The following LPP variants were observed in gnomAD, a reference collection of about 807,000 sequenced individuals.
LPP encodes LIM domain containing preferred translocation partner in lipoma.
In LPP, 38 loss-of-function variants were observed where a neutral mutation model predicts 60.4. That is an observed-to-expected ratio of 0.63 (90% CI 0.49 to 0.83). LPP has a LOEUF of 0.83. Ranked by LOEUF, LPP falls within the 40% of genes least tolerant of loss-of-function variation. The pLI is 0.00. For synonymous variants in LPP, 328 were observed against 290.8 expected (o/e 1.13, Z -1.30); for missense variants, 902 against 783.6 (o/e 1.15, Z -1.80).
intron 1 of LPP, among the ~76,000 whole-genome samples, chr3:188,169,760 A>G (rs999454096): frequency 6.6e-6 from 1 of 152,170 alleles, no homozygotes; most frequent in Non-Finnish European, 1.5e-5. Flanking sequence ...CTTTGGGGAA[A>G]GCTGCTGTGG....
intron 4 of LPP, among the ~76,000 whole-genome samples, chr3:188,467,749 G>A (rs1488945977): frequency 1.3e-5 from 2 of 152,228 alleles, no homozygotes; most frequent in African/African-American, 4.8e-5. Context: ...GATGGAGGAA[G>A]GGGCCACAAG....
intron 2 of LPP, among the ~76,000 whole-genome samples, chr3:188,333,042 T>C (rs554986888): frequency 6.6e-6 from 1 of 152,304 alleles, no homozygotes; most frequent in Non-Finnish European, 1.5e-5. Context: ...GCGTCATTAT[T>C]ACATTAATTT....
chr3:188,654,112 A>T (rs1201056155), intron 7 of LPP, among the ~76,000 whole-genome samples: 1 of 152,256 alleles, frequency 6.6e-6, no homozygotes, highest in African/African-American at 2.4e-5. Flanking sequence ...CCTCATCATT[A>T]TGTGGAGCTA....
At chr3:188,538,844 G>A (rs1312032443) in intron 6 of LPP, among the ~76,000 whole-genome samples, 1 of 152,110 alleles carries the variant, frequency 6.6e-6, no homozygotes, top group East Asian at 1.9e-4. Flanking sequence ...ATATTACTCA[G>A]CCATAAAAAG....
chr3:188,427,476 T>C (rs1789708711), intron 4 of LPP, among the ~76,000 whole-genome samples: 1 of 152,228 alleles, frequency 6.6e-6, no homozygotes, highest in South Asian at 2.1e-4. Flanking sequence ...CCTTGGTGAA[T>C]CTGACAATTA....
Position 188,876,346 on chromosome 3 carries a change from A to C in LPP, c.*1867A>C, listed in dbSNP as rs55834616. 3 of 190,782 alleles carry C rather than the reference A, an allele frequency of 1.6e-5. No homozygotes were observed. The highest frequency in any genetic ancestry group is 4.7e-5 in the African/African-American group (2 of 42,928). 11.8% of individuals were successfully genotyped at this position (190,782 alleles called of 1,614,324 possible). A position where few individuals can be genotyped will look rare whatever the true frequency, so the allele number is the denominator to read the frequency against. On this transcript the variant is annotated 3_prime_UTR_variant, in exon 12 of 12. Coordinates refer to ENST00000617246, the MANE Select transcript of LPP (RefSeq NM_001375462.1). ...AATGTATGGCTCATTTGCTTTTGTC[A>C]CTAAACGGTTTTGTGTTAGAACCAC...
chr3:188,754,049 T>A (rs1729279755), intron 8 of LPP, among the ~76,000 whole-genome samples: 1 of 152,100 alleles, frequency 6.6e-6, no homozygotes, highest in East Asian at 1.9e-4. Flanking sequence ...CCCAAGAAAA[T>A]AGTGAGAACT....
rs375940437 is a variant in LPP at position 188,203,549 on chromosome 3, ATT to A, written c.-189-21852_-189-21851del. 1.3e-3 allele frequency among the ~76,000 whole-genome samples: 113 copies of A among 83,936 alleles called. 1 individual carries two copies. Among genetic ancestry groups the A allele is most frequent in the East Asian group, 8.0e-3 (16 of 2,012 alleles). 55.1% of individuals were successfully genotyped at this position (83,936 alleles called of 152,430 possible). On this transcript the variant is annotated intron_variant, in intron 1 of 11. Transcript: ENST00000617246. ...TAAATATATATTTAAATATATATAT[ATT>A]TTTAAATATATATAAATATATATTT...
intron 7 of LPP, among the ~76,000 whole-genome samples, chr3:188,690,349 C>T (rs1407824104): frequency 6.6e-6 from 1 of 152,054 alleles, no homozygotes; most frequent in African/African-American, 2.4e-5. Flanking sequence ...AACTCTAAAT[C>T]GATAAACTTC....
chr3:188,761,209 G>C (rs1732217392), intron 9 of LPP, among the ~76,000 whole-genome samples: 1 of 152,114 alleles, frequency 6.6e-6, no homozygotes. Flanking sequence ...AAGACACCTT[G>C]GTTTCTTTAC....
chr3:188,648,680 C>T (rs1851541276), intron 7 of LPP, among the ~76,000 whole-genome samples: 3 of 152,022 alleles, frequency 2.0e-5, no homozygotes. Flanking sequence ...AAATAGTACC[C>T]TCATTTGGGT....
intron 2 of LPP, among the ~76,000 whole-genome samples, chr3:188,252,773 T>A (rs2149594342): frequency 6.6e-6 from 1 of 152,284 alleles, no homozygotes. Context: ...ATTTTAAAAT[T>A]TTATTTTATT....
intron 7 of LPP, among the ~76,000 whole-genome samples, chr3:188,655,611 A>G (rs941896528): frequency 2.6e-5 from 4 of 152,168 alleles, no homozygotes; most frequent in East Asian, 3.9e-4. Context: ...TTAGTCACCA[A>G]CTGAAGCAGA....
chr3:188,185,868 C>T (rs748281239), intron 1 of LPP, among the ~76,000 whole-genome samples: 2 of 152,200 alleles, frequency 1.3e-5, no homozygotes, highest in Non-Finnish European at 2.9e-5. Context: ...TCTCCCCTCT[C>T]TGCAGCACTC....
rs188518762 is a variant in LPP at position 188,489,364 on chromosome 3, G to A, written c.306+4660G>A. Among the ~76,000 whole-genome samples the A allele has an allele frequency of 5.3e-4, 81 of 152,290 alleles. No homozygotes were observed. In the East Asian group the frequency reaches 0.015, roughly 28 times the overall value. Reference sequence around the variant, plus strand: ...GGGAAGTAAATTAACTGTGACTGGAGAGAGGCAAGAAGGATTCATAGAAAC... The same window carrying A: ...GGGAAGTAAATTAACTGTGACTGGAAAGAGGCAAGAAGGATTCATAGAAAC... On this transcript the variant is annotated intron_variant, in intron 5 of 11. Transcript: ENST00000617246.
chr3:188,584,274 C>G (rs1469839434), intron 6 of LPP: 1 of 152,064 alleles, frequency 6.6e-6, no homozygotes, highest in East Asian at 1.9e-4. Context: ...TCATTAGCTC[C>G]TTTTACCTCA....
chr3:188,670,790 G>A (rs959627535), intron 7 of LPP, among the ~76,000 whole-genome samples: 65 of 152,202 alleles, frequency 4.3e-4, no homozygotes, highest in African/African-American at 1.5e-3. Flanking sequence ...GAAGGATGAC[G>A]GGAACAAACT....
intron 6 of LPP, among the ~76,000 whole-genome samples, chr3:188,551,818 C>T (rs1352115063): frequency 6.6e-6 from 1 of 152,116 alleles, no homozygotes; most frequent in Non-Finnish European, 1.5e-5. Flanking sequence ...AGTGATGCTT[C>T]AGGAGCAGAC....
intron 6 of LPP, among the ~76,000 whole-genome samples, chr3:188,601,700 A>T (rs1364432844): frequency 6.6e-6 from 1 of 152,152 alleles, no homozygotes. Flanking sequence ...ACTTGCATTT[A>T]AAAAGCCCTA....
Sources: allele counts gnomAD v4.1 joint callset (sites outside exome capture counted in the v4.1 genomes callset), GRCh38; gene constraint gnomAD v4.1.1; transcripts MANE v1.5; gene names NCBI Gene and HGNC (gene_info 2026-07-23, HGNC 2026-07-21).